Variants in ADGRL2 observed in about 807,000 individuals in gnomAD.
ADGRL2 encodes calcium-independent alpha-latrotoxin receptor 2.
ADGRL2 carries 44 observed loss-of-function variants against 157.4 expected under a neutral mutation model. That is an observed-to-expected ratio of 0.28 (90% CI 0.22 to 0.36). The LOEUF is 0.36. Among genes scored for constraint, ADGRL2 ranks in the 10% least tolerant of loss-of-function variants. The pLI is 1.00. For missense variants in ADGRL2, 1,510 were observed against 1,768.9 expected (o/e 0.85, Z 2.63); for synonymous variants, 585 against 624.7 (o/e 0.94, Z 0.95).
intron 1 of ADGRL2, among the ~76,000 whole-genome samples, chr1:81,827,602 G>A (rs376533054): frequency 2.0e-5 from 3 of 151,960 alleles, no homozygotes; most frequent in Admixed American, 6.6e-5. Flanking sequence ...ATCTCTCTTC[G>A]TCACCTGGGC....
At chr1:81,971,993 T>A in intron 17 of ADGRL2, 75 bp downstream of exon 17, 1 of 883,002 alleles carries the variant, frequency 1.1e-6, no homozygotes, top group Non-Finnish European at 1.8e-6. Flanking sequence ...ATAATTTGTT[T>A]TATTGTTTGT....
chr1:81,847,381 T>A (rs1348457348), intron 2 of ADGRL2, among the ~76,000 whole-genome samples: 3 of 151,940 alleles, frequency 2.0e-5, no homozygotes, highest in Non-Finnish European at 4.4e-5. Context: ...TGTAAGATAA[T>A]GTCTGTATTA....
intron 1 of ADGRL2, among the ~76,000 whole-genome samples, chr1:81,358,485 T>A (rs1191640106): frequency 6.6e-6 from 1 of 152,160 alleles, no homozygotes; most frequent in Non-Finnish European, 1.5e-5. Flanking sequence ...CCCTGAATAA[T>A]CCCAATTCAA....
At chr1:81,386,015 A>G (rs1239224715) in intron 1 of ADGRL2, among the ~76,000 whole-genome samples, 1 of 152,154 alleles carries the variant, frequency 6.6e-6, no homozygotes, top group Non-Finnish European at 1.5e-5. Flanking sequence ...GGCTAATTAA[A>G]AAAAAATGGC....
chr1:81,614,970 A>G (rs946711206), intron 3 of ADGRL2, among the ~76,000 whole-genome samples: 7 of 152,172 alleles, frequency 4.6e-5, no homozygotes, highest in African/African-American at 1.7e-4. Context: ...CAGAGATCAC[A>G]CCATTGCACT....
chr1:81,333,113 G>A (rs1484572150), intron 1 of ADGRL2, among the ~76,000 whole-genome samples: 2 of 152,142 alleles, frequency 1.3e-5, no homozygotes, highest in African/African-American at 4.8e-5. Context: ...GAGGCTATTG[G>A]AATAAATCAT....
At chr1:81,678,678 C>T (rs967024792) in intron 3 of ADGRL2, among the ~76,000 whole-genome samples, 2 of 152,232 alleles carry the variant, frequency 1.3e-5, no homozygotes, top group Non-Finnish European at 2.9e-5. Flanking sequence ...GCCACTACCT[C>T]TCAGAGTTCG....
At chr1:81,457,464 A>G (rs1376796603) in intron 2 of ADGRL2, among the ~76,000 whole-genome samples, 1 of 152,070 alleles carries the variant, frequency 6.6e-6, no homozygotes, top group Non-Finnish European at 1.5e-5. Flanking sequence ...CTTTTTTAGT[A>G]GTGTTATCTA....
intron 1 of ADGRL2, among the ~76,000 whole-genome samples, chr1:81,325,134 A>T (rs1019472913): frequency 1.9e-4 from 29 of 152,170 alleles, no homozygotes; most frequent in Non-Finnish European, 7.3e-5. Context: ...ACTAGAAGAG[A>T]CCAGAATTGC....
chr1:81,830,610 C>T (rs540794089), intron 1 of ADGRL2, among the ~76,000 whole-genome samples: 3 of 152,098 alleles, frequency 2.0e-5, no homozygotes, highest in Non-Finnish European at 2.9e-5. Flanking sequence ...CGGGTTCAAG[C>T]GATTCTCCTG....
chr1:81,740,424 C>T (rs2085036716), intron 1 of ADGRL2, among the ~76,000 whole-genome samples: 1 of 152,110 alleles, frequency 6.6e-6, no homozygotes, highest in South Asian at 2.1e-4. Flanking sequence ...CAAGTAATGA[C>T]CATTAACAAA....
upstream of ADGRL2, among the ~76,000 whole-genome samples, chr1:81,797,630 C>T (rs1038321071): frequency 8.5e-5 from 13 of 152,182 alleles, no homozygotes; most frequent in Non-Finnish European, 1.6e-4. Context: ...ACTCAAACTG[C>T]TGTTATTCTT....
intron 2 of ADGRL2, among the ~76,000 whole-genome samples, chr1:81,575,020 CCT>C (rs968628548): frequency 4.6e-5 from 7 of 152,166 alleles, no homozygotes; most frequent in African/African-American, 1.7e-4. Flanking sequence ...ATTATACTTA[CCT>C]CTCTTTAGTT....
intron 3 of ADGRL2, among the ~76,000 whole-genome samples, chr1:81,617,872 A>G (rs765399166): frequency 1.3e-5 from 2 of 152,214 alleles, no homozygotes; most frequent in Non-Finnish European, 2.9e-5. Flanking sequence ...ATGAACAACA[A>G]CAAAAATTCC....
rs568242752 is a variant in ADGRL2 at position 81,653,815 on chromosome 1, C to T, written c.-143+72835C>T. Among the ~76,000 whole-genome samples, 7 of 152,212 alleles carry T rather than the reference C, an allele frequency of 4.6e-5. No homozygotes were observed. The South Asian group carries it at 1.2e-3, about 27-fold the overall frequency. On this transcript the variant is annotated intron_variant, in intron 3 of 24. Transcript: ENST00000370721. ...ATATTTGTTATGTAGAGCTCAGATCCTGAAAAGATGATTGCCTACTGAATA... is the reference window on the plus strand; with the variant it reads ...ATATTTGTTATGTAGAGCTCAGATCTTGAAAAGATGATTGCCTACTGAATA...
rs117667180 is a variant in ADGRL2 at position 81,440,101 on chromosome 1, A to C, written c.-301-4935A>C. ...CACTCAAAGGTGCGTACGACAATGT[A>C]GAAAACCAATTAGGAAAGGGTAGGT... On this transcript the variant is annotated intron_variant, in intron 1 of 24. Coordinates refer to the ADGRL2 transcript ENST00000370721. Among the ~76,000 whole-genome samples the C allele has an allele frequency of 2.0e-4, 30 of 152,348 alleles. No homozygotes were observed. In the East Asian group the frequency reaches 5.4e-3, roughly 27 times the overall value.
chr1:81,699,585 T>C (rs2083516431), upstream of ADGRL2, among the ~76,000 whole-genome samples: 1 of 152,210 alleles, frequency 6.6e-6, no homozygotes. Context: ...TTTTAAAATG[T>C]ACCTGGCAAC....
intron 2 of ADGRL2, among the ~76,000 whole-genome samples, chr1:81,467,966 T>C (rs1327855973): frequency 6.6e-6 from 1 of 152,228 alleles, no homozygotes; most frequent in Non-Finnish European, 1.5e-5. Context: ...TAAATGTTTT[T>C]TCTAAATACT....
At chr1:81,442,483 T>C (rs2077525439) in intron 1 of ADGRL2, among the ~76,000 whole-genome samples, 2 of 152,236 alleles carry the variant, frequency 1.3e-5, no homozygotes, top group Admixed American at 6.5e-5. Flanking sequence ...AGGGCTACTT[T>C]ATTTTTTGAG....
Sources: allele counts gnomAD v4.1 joint callset (sites outside exome capture counted in the v4.1 genomes callset), GRCh38; gene constraint gnomAD v4.1.1; transcripts MANE v1.5; gene names NCBI Gene and HGNC (gene_info 2026-07-23, HGNC 2026-07-21).